SERPINB6: variants seen among roughly 807,000 people sequenced by gnomAD.
SERPINB6 encodes the protein serpin B6.
A neutral mutation model predicts 26.1 loss-of-function variants in SERPINB6; 16 were observed. That is an observed-to-expected ratio of 0.61 (90% CI 0.42 to 0.93). The LOEUF is 0.93. SERPINB6 is among the 40% of genes least tolerant of loss of function. The probability of loss-of-function intolerance (pLI) is 0.00; values close to 1 mark genes in which losing one functional copy is unlikely to be tolerated. For missense variants in SERPINB6, 420 were observed against 478.0 expected (o/e 0.88, Z 1.13); for synonymous variants, 174 against 176.6 (o/e 0.99, Z 0.11).
At chr6:2,955,394 G>T in intron 3 of SERPINB6, 130 bp downstream of exon 3, 1 of 1,045,338 alleles carries the variant, frequency 9.6e-7, no homozygotes, top group Non-Finnish European at 1.5e-6. Context: ...CATATTGGCA[G>T]GTGAAAAGAA....
chr6:2,949,484 G>T (rs532207681), intron 5 of SERPINB6, among the ~76,000 whole-genome samples: 1 of 152,194 alleles, frequency 6.6e-6, no homozygotes, highest in African/African-American at 2.4e-5. Context: ...CTGCAACTCT[G>T]CCCATCTCAG....
At chr6:2,955,431 T>C (rs1399158525) in intron 3 of SERPINB6, 93 bp downstream of exon 3, 4 of 1,425,434 alleles carry the variant, frequency 2.8e-6, no homozygotes, top group African/African-American at 2.8e-5. Flanking sequence ...TATGGCATAA[T>C]GGCATTTAGA....
rs900164035 is a variant in SERPINB6 at position 2,967,234 on chromosome 6, G to T, written c.-11+4299C>A. The stretch of plus-strand genomic sequence containing the variant: ...ACCCACACACAAGTTAGAAAGTTCT[G>T]CTCTGGAAGACTGAAACTGGACCCC... On this transcript the variant is annotated intron_variant, in intron 1 of 6. Transcript: ENST00000380539. This position sits in a 1 kb window ranked among gnomAD's most constrained non-coding sequence, Gnocchi z 4.3. The T allele has an allele frequency of 4.4e-5, 43 of 985,366 alleles. No homozygotes were observed. The highest frequency in any genetic ancestry group is 4.7e-5 in the Non-Finnish European group (39 of 829,912). The allele number at this position is 985,366 out of a possible 1,614,324, so 61.0% of individuals were successfully genotyped here.
intron 1 of SERPINB6, chr6:2,961,824 C>A (rs1427734126): frequency 1.6e-5 from 16 of 984,634 alleles, no homozygotes; most frequent in Non-Finnish European, 2.4e-6. Flanking sequence ...CCCACATGCT[C>A]CCCCAACCCC....
chr6:2,969,671 G>A (rs1332425579), intron 1 of SERPINB6: 1 of 984,824 alleles, frequency 1.0e-6, no homozygotes, highest in African/African-American at 1.8e-5. Flanking sequence ...TTCTATTAAG[G>A]ATGCCTTTAT....
rs1327592660 is a variant in SERPINB6, at chr6:2,948,599, T to C, written c.830A>G (p.Glu277Gly). Residue 277 changes from glutamate (E) to glycine (G), a missense_variant, in exon 7 of 7, where the codon GAG becomes GGG. Transcript: ENST00000380539. This position sits in a 1 kb window ranked among gnomAD's most constrained non-coding sequence, Gnocchi z 5.0. Reference protein sequence around the residue: ...VEVSLPRFKLEESYDMESVLR... With the variant: ...VEVSLPRFKLGESYDMESVLR... ...GACACTCTCCATGTCGTAGCTTTCC[T>C]CTAGTTTAAACCGCGGGAGGGACAC... The C allele has an allele frequency of 1.2e-6, 2 of 1,614,188 alleles. No homozygotes were observed. Among genetic ancestry groups the C allele is most frequent in the Admixed American group, 1.7e-5 (1 of 60,026 alleles).
chr6:2,969,639 C>G (rs1771946840), intron 1 of SERPINB6: 4 of 985,084 alleles, frequency 4.1e-6, no homozygotes, highest in Non-Finnish European at 3.6e-6. Context: ...TTAGGTGTCA[C>G]TATTGAATTG....
chr6:2,967,819 A>C lies in SERPINB6; in HGVS notation c.-11+3714T>G, dbSNP rs1771766980. 6.6e-6 allele frequency: 1 copy of C among 152,248 alleles called. No individual in the cohort carries two copies. The highest frequency in any genetic ancestry group is 2.4e-5 in the African/African-American group (1 of 41,458). 9.4% of individuals were successfully genotyped at this position (152,248 alleles called of 1,614,324 possible). ...AGAGATACTGGCAAGGTTGTGGAGA[A>C]AAGGGAACACTTACACACTGCTGGT... On this transcript the variant is annotated intron_variant, in intron 1 of 6. Coordinates refer to ENST00000380539, the MANE Select transcript of SERPINB6 (RefSeq NM_004568.6). The surrounding 1 kb of genome is among the most constrained non-coding windows in gnomAD (Gnocchi z 4.3).
In SERPINB6 at chr6:2,959,344, T is replaced by G; in HGVS notation, c.-10-2A>C. 6.2e-7 allele frequency: 1 copy of G among 1,613,704 alleles called. No homozygotes were observed. Among genetic ancestry groups the G allele is most frequent in the Non-Finnish European group, 8.5e-7 (1 of 1,180,020 alleles). ...GCGAGAACATCCATGATGGCAGACC[T>G]GGAACAAGATTTAAAATCAGTATCA... On this transcript the variant is annotated splice_acceptor_variant, in intron 1 of 6. Transcript: ENST00000380539. LOFTEE classifies it low-confidence loss of function (5UTR_SPLICE).
intron 5 of SERPINB6, among the ~76,000 whole-genome samples, chr6:2,950,532 C>CAA (rs5873848): frequency 7.3e-5 from 8 of 110,172 alleles, no homozygotes; most frequent in Admixed American, 3.5e-4. Flanking sequence ...GACTCCATCT[C>CAA]AAAAAAAAAA....
At chr6:2,958,520 A>T (rs6907260) in intron 2 of SERPINB6, among the ~76,000 whole-genome samples, 37,276 of 152,056 alleles carry the variant, frequency 0.25, 4,961 homozygotes, top group Non-Finnish European at 0.3. Context: ...CCCAGCCGCC[A>T]GGCCTACGGA....
At chr6:2,954,783 C>A in intron 3 of SERPINB6, 74 bp from the exon 4 acceptor site, 1 of 955,436 alleles carries the variant, frequency 1.0e-6, no homozygotes, top group South Asian at 1.3e-5. Flanking sequence ...CTTCATTGCA[C>A]CAAGTCAGAA....
intron 1 of SERPINB6, chr6:2,963,749 C>T (rs1312544115): frequency 6.6e-6 from 1 of 152,282 alleles, no homozygotes; most frequent in East Asian, 1.9e-4. Flanking sequence ...CCATGTTCCA[C>T]CCCAAATCTT....
chr6:2,952,299 C>T (rs527977094), intron 5 of SERPINB6, among the ~76,000 whole-genome samples: 17 of 152,226 alleles, frequency 1.1e-4, no homozygotes, highest in Non-Finnish European at 1.6e-4. Flanking sequence ...TTCAAGTTAG[C>T]CTGGAAGATC....
chr6:2,955,324 G>T, intron 3 of SERPINB6, 200 bp downstream of exon 3: 2 of 628,166 alleles, frequency 3.2e-6, no homozygotes, highest in Non-Finnish European at 5.5e-6. Context: ...ACAAGATGCT[G>T]ACAAGACACT....
Position 2,959,487 on chromosome 6 carries a change from A to G in SERPINB6, c.-10-145T>C, listed in dbSNP as rs1770867221. 5 of 780,602 alleles carry G rather than the reference A, an allele frequency of 6.4e-6. No homozygotes were observed. The East Asian group carries it at 1.3e-4, about 20-fold the overall frequency. 48.4% of individuals were successfully genotyped at this position (780,602 alleles called of 1,614,324 possible). ...AGAACTCTGGCTGTTTCTTTTTAGG[A>G]CCCTCCACATTATTTTGTGTGTTTC... On this transcript the variant is annotated intron_variant, in intron 1 of 6. Transcript: ENST00000380539.
intron 1 of SERPINB6, chr6:2,966,920 G>A: frequency 1.0e-6 from 1 of 984,126 alleles, no homozygotes; most frequent in Non-Finnish European, 1.2e-6. Context: ...TTCCCAAAGT[G>A]CTGGGATTAT....
intron 3 of SERPINB6, chr6:2,955,245 G>A (rs1770319105): frequency 2.2e-6 from 1 of 463,066 alleles, no homozygotes; most frequent in African/African-American, 2.0e-5. Flanking sequence ...ATCAGTCTCT[G>A]AATATCAAAC....
At chr6:2,968,697 C>G in intron 1 of SERPINB6, 4 of 1,230,870 alleles carry the variant, frequency 3.2e-6, no homozygotes, top group Non-Finnish European at 4.1e-6. Context: ...TGTACCTAGA[C>G]TTTCCAAACA....
Sources: allele counts gnomAD v4.1 joint callset (sites outside exome capture counted in the v4.1 genomes callset), GRCh38; gene constraint gnomAD v4.1.1; non-coding constraint Gnocchi (gnomAD v3.1); transcripts MANE v1.5; gene names NCBI Gene and HGNC (gene_info 2026-07-23, HGNC 2026-07-21).